TMC5: variants seen among roughly 807,000 people sequenced by gnomAD.
TMC5 encodes the protein transmembrane channel like 5.
TMC5 carries 86 observed loss-of-function variants against 110.5 expected under a neutral mutation model. The ratio of observed to expected loss-of-function variants is 0.78; its 90% CI spans 0.65 to 0.93. The LOEUF (loss-of-function observed/expected upper bound fraction) is 0.93, where lower values mean the gene tolerates loss of function less well. Among genes scored for constraint, TMC5 ranks in the 40% least tolerant of loss-of-function variants. The pLI is 0.00. For missense variants in TMC5, 1,144 were observed against 1,222.8 expected, an observed-to-expected ratio of 0.94 and a Z score of 0.96; for synonymous variants, 455 against 439.5, an observed-to-expected ratio of 1.04 and a Z score of -0.44.
intron 18 of TMC5, 78 bp from the exon 19 acceptor site, chr16:19,492,072 G>A (rs116532648): frequency 8.6e-7 from 1 of 1,163,108 alleles, no homozygotes; most frequent in South Asian, 1.3e-5. Flanking sequence ...ACAGATTCCA[G>A]TTCCTTTGCA....
At chr16:19,452,042 G>T (rs146802116) in intron 5 of TMC5, among the ~76,000 whole-genome samples, 2,022 of 152,074 alleles carry the variant, frequency 0.013, 21 homozygotes, top group South Asian at 0.075. Context: ...CAACTGATCT[G>T]CCCACCTCGG....
chr16:19,466,429 G>A (rs1968191479), intron 9 of TMC5, among the ~76,000 whole-genome samples, 196 bp downstream of exon 9: 1 of 152,118 alleles, frequency 6.6e-6, no homozygotes, highest in Non-Finnish European at 1.5e-5. Context: ...TGGGCTCACT[G>A]CAACCTCCAC....
intron 17 of TMC5, among the ~76,000 whole-genome samples, chr16:19,487,658 C>T (rs1425896881): frequency 2.0e-5 from 3 of 151,666 alleles, no homozygotes; most frequent in Non-Finnish European, 2.9e-5. Context: ...GCCAAGATTG[C>T]ACCATTGCGC....
chr16:19,427,198 A>C (rs1967103259), intron 1 of TMC5, among the ~76,000 whole-genome samples: 1 of 152,214 alleles, frequency 6.6e-6, no homozygotes, highest in African/African-American at 2.4e-5. Flanking sequence ...TCACACCTGT[A>C]ATCCCAGCAC....
intron 19 of TMC5, among the ~76,000 whole-genome samples, chr16:19,492,923 TATATATATATCTCTCTATAA>T (rs1968946814): frequency 8.8e-6 from 1 of 113,470 alleles, no homozygotes. Context: ...TAGATATATA[TATATATATATCTCTCTATAA>T]GATAAATACT....
intron 2 of TMC5, among the ~76,000 whole-genome samples, chr16:19,438,403 A>AAAAG (rs1967396748): frequency 9.1e-6 from 1 of 110,012 alleles, no homozygotes; most frequent in African/African-American, 3.7e-5. Context: ...AAAAAAAAAA[A>AAAAG]AAAAAGAAGA....
intron 4 of TMC5, among the ~76,000 whole-genome samples, chr16:19,449,293 A>C (rs959101535): frequency 5.9e-5 from 9 of 152,238 alleles, no homozygotes; most frequent in Non-Finnish European, 1.3e-4. Flanking sequence ...GCCAACAATT[A>C]TTTTTAACTA....
Position 19,472,231 on chromosome 16 carries a change from G to C in TMC5, c.1926G>C (p.Glu642Asp). Residue 642 changes from glutamate (E) to aspartate (D), a missense_variant, in exon 11 of 22, where the codon GAG (glutamate) becomes GAC (aspartate). Coordinates refer to ENST00000542583, the MANE Select transcript of TMC5 (RefSeq NM_001261841.2). Reference protein sequence around the residue: ...ACCAAVYYLAEYNLEFLKTHS... With the variant: ...ACCAAVYYLADYNLEFLKTHS... ...GTGCAGCCGTTTATTACCTGGCTGA[G>C]TACAACTTAGAGGTAACCAACACCA... 2 of 1,613,966 alleles carry C rather than the reference G, an allele frequency of 1.2e-6. No individual in the cohort carries two copies. The highest frequency in any genetic ancestry group is 1.7e-6 in the Non-Finnish European group (2 of 1,179,966).
Position 19,440,568 on chromosome 16 carries a change from C to A in TMC5, c.530C>A (p.Ala177Asp). 6 of 1,614,184 alleles carry A rather than the reference C, an allele frequency of 3.7e-6. No individual in the cohort carries two copies. Among genetic ancestry groups the A allele is most frequent in the Non-Finnish European group, 5.1e-6 (6 of 1,180,028 alleles). The change falls in exon 3 of 22, where the codon GCC (alanine) becomes GAC (aspartate). Residue 177 changes from alanine to aspartate, a missense_variant. Coordinates refer to ENST00000542583, the MANE Select transcript of TMC5 (RefSeq NM_001261841.2). ...QSNSDHPGPRANLNHPGSRKN... is the reference protein window; with the variant it reads ...QSNSDHPGPRDNLNHPGSRKN... ...AACTCTGATCATCCTGGACCCAGAG[C>A]CAATTTGAACCATCCAGGATCCAGA...
chr16:19,463,877 C>G lies in TMC5; in HGVS notation c.1338C>G (p.Val446=), dbSNP rs979250515. 1 of 1,614,202 alleles carries G rather than the reference C, an allele frequency of 6.2e-7. No homozygotes were observed. The highest frequency in any genetic ancestry group is 8.5e-7 in the Non-Finnish European group (1 of 1,180,050). ...KIIGGKFGTS[V]LSYFNFLRWL... is the part of the protein sequence containing the mutation. ...TTGGAGGCAAGTTTGGAACCAGCGTCCTCTCCTATTTCAACTTTCTGAGAT... is the reference window on the plus strand; with the variant it reads ...TTGGAGGCAAGTTTGGAACCAGCGTGCTCTCCTATTTCAACTTTCTGAGAT... Residue 446 remains valine, a synonymous_variant, in exon 8 of 22, where the codon GTC becomes GTG. Coordinates refer to ENST00000542583, the MANE Select transcript of TMC5 (RefSeq NM_001261841.2).
intron 1 of TMC5, chr16:19,411,558 C>T (rs1280426149): frequency 1.3e-5 from 2 of 152,156 alleles, no homozygotes; most frequent in Non-Finnish European, 2.9e-5. Flanking sequence ...TTATCTAATC[C>T]AGGTCCCACC....
chr16:19,436,155 G>A (rs974032583), intron 2 of TMC5, among the ~76,000 whole-genome samples: 2 of 151,650 alleles, frequency 1.3e-5, no homozygotes, highest in Non-Finnish European at 2.9e-5. Flanking sequence ...CCAGCTCCTC[G>A]GGAGGCTGAG....
chr16:19,466,141 C>T lies in TMC5; in HGVS notation c.1545C>T (p.His515=), dbSNP rs773427498. 1.3e-5 allele frequency: 21 copies of T among 1,614,100 alleles called. No individual in the cohort carries two copies. Among genetic ancestry groups the T allele is most frequent in the East Asian group, 4.5e-5 (2 of 44,884 alleles). ...TTTACACCAATTCCACCATCCAGCA[C>T]GGGAACAGCGGGGCATCCTACAACA... is the stretch of plus-strand genomic sequence containing the variant. ...YGFYTNSTIQ[H]GNSGASYNMQ... Residue 515 remains histidine, a synonymous_variant, in exon 9 of 22, where the codon CAC becomes CAT. Transcript: ENST00000542583.
At chr16:19,428,221 A>C (rs924625126) in intron 1 of TMC5, among the ~76,000 whole-genome samples, 1 of 152,186 alleles carries the variant, frequency 6.6e-6, no homozygotes, top group Admixed American at 6.5e-5. Context: ...TTTTTTAAAA[A>C]CAAATTTTAC....
chr16:19,475,119 G>A (rs531064225), intron 12 of TMC5, among the ~76,000 whole-genome samples: 18 of 152,224 alleles, frequency 1.2e-4, no homozygotes, highest in Non-Finnish European at 1.6e-4. Context: ...TTATGGTGGG[G>A]TTTATAAGTA....
intron 3 of TMC5, among the ~76,000 whole-genome samples, chr16:19,442,499 T>C (rs2143476232): frequency 6.6e-6 from 1 of 152,184 alleles, no homozygotes; most frequent in East Asian, 1.9e-4. Flanking sequence ...CAGCTAGTTT[T>C]TGTAGTTTTA....
rs1158114525 is a variant in TMC5 at position 19,490,422 on chromosome 16, T to G, written c.2601T>G (p.Pro867=). Residue 867 remains proline (P), a synonymous_variant, in exon 18 of 22, where the codon CCT becomes CCG. Coordinates refer to ENST00000542583, the MANE Select transcript of TMC5 (RefSeq NM_001261841.2). ...WRLKPSADCG[P]FRGLPLFIHS... is the part of the protein sequence containing the mutation. Reference sequence around the variant, plus strand: ...TGAAGCCTTCAGCTGACTGTGGCCCTTTTCGAGGTCTGCCTCTCTTCATTC... The same window carrying G: ...TGAAGCCTTCAGCTGACTGTGGCCCGTTTCGAGGTCTGCCTCTCTTCATTC... The G allele has an allele frequency of 6.2e-7, 1 of 1,614,164 alleles. No homozygotes were observed. Among genetic ancestry groups the G allele is most frequent in the Admixed American group, 1.7e-5 (1 of 60,018 alleles).
upstream of TMC5, among the ~76,000 whole-genome samples, chr16:19,413,049 G>A (rs1048045883): frequency 7.9e-5 from 12 of 151,958 alleles, no homozygotes; most frequent in Admixed American, 7.9e-4. Context: ...TGGCTGTGTT[G>A]CCCAGGCTGG....
At chr16:19,456,494 C>G (rs1047522531) in intron 5 of TMC5, 1 of 1,280,036 alleles carries the variant, frequency 7.8e-7, no homozygotes, top group African/African-American at 1.5e-5. Context: ...GAGAAAACTC[C>G]TCAGGGGTTA....
Sources: allele counts gnomAD v4.1 joint callset (sites outside exome capture counted in the v4.1 genomes callset), GRCh38; gene constraint gnomAD v4.1.1; transcripts MANE v1.5; gene names NCBI Gene and HGNC (gene_info 2026-07-23, HGNC 2026-07-21).